LGR6: variants seen among roughly 807,000 people sequenced by gnomAD.
LGR6 encodes leucine-rich repeat-containing G protein-coupled receptor 6.
A neutral mutation model predicts 69.4 loss-of-function variants in LGR6; 45 were observed. The observed-to-expected ratio is 0.65, with a 90% CI of 0.51 to 0.83. LGR6 has a LOEUF of 0.83. LGR6 is among the 40% of genes least tolerant of loss of function. The probability of loss-of-function intolerance (pLI) is 0.00; values close to 1 mark genes in which losing one functional copy is unlikely to be tolerated. For synonymous variants in LGR6, 538 were observed against 555.0 expected (o/e 0.97, Z 0.43); for missense variants, 1,108 against 1,246.7 (o/e 0.89, Z 1.68).
chr1:202,196,606 A>G (rs1234327961), intron 1 of LGR6, among the ~76,000 whole-genome samples: 1 of 152,214 alleles, frequency 6.6e-6, no homozygotes, highest in African/African-American at 2.4e-5. Flanking sequence ...TCATGTGTAC[A>G]TGGAGATGAG....
chr1:202,194,705 C>CGG (rs549228631), intron 1 of LGR6: 552 of 200,434 alleles, frequency 2.8e-3, no homozygotes, highest in Middle Eastern at 5.1e-3. Context: ...TTCGTGGGGG[C>CGG]GGGGGGGGCG....
intron 7 of LGR6, among the ~76,000 whole-genome samples, chr1:202,298,258 C>T (rs912843096): frequency 6.6e-6 from 1 of 152,116 alleles, no homozygotes; most frequent in African/African-American, 2.4e-5. Flanking sequence ...TCATTGTGGA[C>T]AAATCCTGAG....
chr1:202,301,312 G>A lies in LGR6; in HGVS notation c.929+77G>A, dbSNP rs527516922. 26 of 1,252,226 alleles carry A rather than the reference G, an allele frequency of 2.1e-5. No individual in the cohort carries two copies. The East Asian group carries it at 2.8e-4, about 13-fold the overall frequency. The allele number at this position is 1,252,226 out of a possible 1,614,324, so 77.6% of individuals were successfully genotyped here. On this transcript the variant is annotated intron_variant, in intron 9 of 17. Transcript: ENST00000367278. ...TCCTTCTTGCTCTCTCCTGCCTATC[G>A]CCTGCGGATCTCTCCCTTGCAAGGC... is the stretch of plus-strand genomic sequence containing the variant.
chr1:202,203,533 G>A (rs372322476), intron 1 of LGR6, among the ~76,000 whole-genome samples: 1 of 151,592 alleles, frequency 6.6e-6, no homozygotes, highest in African/African-American at 2.4e-5. Context: ...CTGTTGTGAG[G>A]AGCAAGCATT....
chr1:202,229,436 G>A (rs192290532), intron 3 of LGR6, among the ~76,000 whole-genome samples: 9 of 152,320 alleles, frequency 5.9e-5, no homozygotes, highest in African/African-American at 1.4e-4. Context: ...CAGTGCAGGC[G>A]GCCTACTTGG....
intron 1 of LGR6, chr1:202,196,970 G>C (rs943305093): frequency 5.7e-6 from 3 of 522,406 alleles, no homozygotes; most frequent in Non-Finnish European, 1.2e-5. Flanking sequence ...GGGGACTTAG[G>C]TCCTCCTGAC....
At chr1:202,289,886 G>A (rs935823149) in intron 6 of LGR6, among the ~76,000 whole-genome samples, 1 of 152,122 alleles carries the variant, frequency 6.6e-6, no homozygotes, top group Admixed American at 6.5e-5. Context: ...TTTCACACTG[G>A]GGAGCTAGGC....
chr1:202,314,753 GACTGAC>G, intron 16 of LGR6, 43 bp from the exon 17 acceptor site: 1 of 1,366,944 alleles, frequency 7.3e-7, no homozygotes, highest in Non-Finnish European at 1.0e-6. Flanking sequence ...GGTAGGGCTT[GACTGAC>G]ACCAAGACCC....
chr1:202,197,233 G>A (rs1658674138), intron 1 of LGR6: 1 of 432,718 alleles, frequency 2.3e-6, no homozygotes, highest in Non-Finnish European at 4.7e-6. Flanking sequence ...TCATGAGGTA[G>A]GTGCTTCCAC....
chr1:202,231,412 C>G (rs1192081512), intron 3 of LGR6, among the ~76,000 whole-genome samples: 3 of 152,176 alleles, frequency 2.0e-5, no homozygotes, highest in Non-Finnish European at 4.4e-5. Context: ...CTCTGAGTCA[C>G]CCCTGTACAT....
intron 4 of LGR6, among the ~76,000 whole-genome samples, chr1:202,243,414 C>G (rs1662376234): frequency 6.6e-6 from 1 of 152,160 alleles, no homozygotes; most frequent in Non-Finnish European, 1.5e-5. Context: ...TCAGCACCCC[C>G]AGAGAGTCCA....
chr1:202,201,319 A>G (rs1291062305), intron 1 of LGR6, among the ~76,000 whole-genome samples: 1 of 152,228 alleles, frequency 6.6e-6, no homozygotes, highest in Admixed American at 6.5e-5. Context: ...AGAGACATAC[A>G]TAGGAATCCA....
At chr1:202,196,957 A>G in intron 1 of LGR6, 1 of 512,172 alleles carries the variant, frequency 2.0e-6, no homozygotes, top group Non-Finnish European at 4.0e-6. Context: ...CGGGAGGGAG[A>G]GTGGGGACTT....
At chr1:202,316,224 G>A (rs1476131571) in intron 17 of LGR6, among the ~76,000 whole-genome samples, 1 of 152,164 alleles carries the variant, frequency 6.6e-6, no homozygotes, top group African/African-American at 2.4e-5. Context: ...CTGGTGGCTG[G>A]GAGGTTCAAG....
chr1:202,239,371 G>C (rs1447209934), intron 4 of LGR6, among the ~76,000 whole-genome samples: 1 of 151,440 alleles, frequency 6.6e-6, no homozygotes, highest in African/African-American at 2.4e-5. Flanking sequence ...GTGTGTGTGT[G>C]TGTGTGTGTG....
intron 17 of LGR6, among the ~76,000 whole-genome samples, chr1:202,317,626 G>A (rs111978865): frequency 6.6e-6 from 1 of 152,190 alleles, no homozygotes; most frequent in East Asian, 1.9e-4. Context: ...AATTATAGTC[G>A]TGAGCCACCA....
At chr1:202,195,923 C>T (rs1340788692) in intron 1 of LGR6, among the ~76,000 whole-genome samples, 2 of 152,194 alleles carry the variant, frequency 1.3e-5, no homozygotes, top group African/African-American at 4.8e-5. Flanking sequence ...AAGCATCCTA[C>T]CATCCATGCT....
At chr1:202,228,509 C>T (rs990079206) in intron 3 of LGR6, among the ~76,000 whole-genome samples, 1 of 152,194 alleles carries the variant, frequency 6.6e-6, no homozygotes, top group Non-Finnish European at 1.5e-5. Context: ...TTGCTTCCTC[C>T]CTGCTCCTCC....
intron 4 of LGR6, among the ~76,000 whole-genome samples, chr1:202,254,189 A>G (rs1167327535): frequency 1.3e-5 from 2 of 150,376 alleles, no homozygotes; most frequent in African/African-American, 2.5e-5. Context: ...CTAGTGATCC[A>G]CCTGCCTCAG....
Sources: allele counts gnomAD v4.1 joint callset (sites outside exome capture counted in the v4.1 genomes callset), GRCh38; gene constraint gnomAD v4.1.1; transcripts MANE v1.5; gene names NCBI Gene and HGNC (gene_info 2026-07-23, HGNC 2026-07-21).